The following MOCOS variants were observed in gnomAD, a reference collection of about 807,000 sequenced individuals.
The protein encoded by MOCOS is human molybdenum cofactor sulfurase.
A neutral mutation model predicts 83.6 loss-of-function variants in MOCOS; 86 were observed. The observed-to-expected ratio is 1.03, with a 90% CI of 0.86 to 1.23. The LOEUF (loss-of-function observed/expected upper bound fraction) is 1.23. Among genes scored for constraint, MOCOS ranks in the 50% most tolerant of loss-of-function variants. MOCOS has a pLI of 0.00. For missense variants in MOCOS, 1,120 were observed against 1,126.9 expected (o/e 0.99, Z 0.09); for synonymous variants, 445 against 434.7 (o/e 1.02, Z -0.29).
At chr18:36,236,481 A>G (rs2091559542) in intron 9 of MOCOS, among the ~76,000 whole-genome samples, 1 of 97,476 alleles carries the variant, frequency 1.0e-5, no homozygotes, top group East Asian at 2.6e-4. Context: ...GTTCTGTTCC[A>G]TTGATCTATA....
intron 9 of MOCOS, among the ~76,000 whole-genome samples, chr18:36,235,913 C>G (rs77804357): frequency 1.8e-4 from 27 of 151,988 alleles, no homozygotes; most frequent in African/African-American, 6.0e-4. Context: ...GTGTTTTTTG[C>G]CTGTATAAAT....
intron 12 of MOCOS, among the ~76,000 whole-genome samples, chr18:36,257,627 G>T (rs2091647787): frequency 1.3e-5 from 2 of 152,184 alleles, no homozygotes; most frequent in South Asian, 4.1e-4. Context: ...TCCAGAAAGG[G>T]TCATGGTTGG....
chr18:36,271,251 C>T lies in MOCOS; in HGVS notation c.*2566C>T, dbSNP rs577037030. The T allele has an allele frequency of 5.9e-5, 9 of 152,236 alleles. No homozygotes were observed. The South Asian group carries it at 1.9e-3, about 32-fold the overall frequency. 9.4% of individuals were successfully genotyped at this position (152,236 alleles called of 1,614,324 possible). ...GACTGTAAGCTCCATGAGGACAAGTCCTGTGCCAGTATATCTCTAGTGTCA... is the reference window on the plus strand; with the variant it reads ...GACTGTAAGCTCCATGAGGACAAGTTCTGTGCCAGTATATCTCTAGTGTCA... On this transcript the variant is annotated 3_prime_UTR_variant, in exon 15 of 15. Coordinates refer to ENST00000261326, the MANE Select transcript of MOCOS (RefSeq NM_017947.4).
At position 36,238,721 on chromosome 18, in the gene MOCOS, G is replaced by A. The variant is rs1458355472; in HGVS notation, c.1961-10201G>A. Among the ~76,000 whole-genome samples, 76 of 106,296 alleles carry A rather than the reference G, an allele frequency of 7.1e-4. 2 individuals carry two copies. The highest frequency in any genetic ancestry group is 2.2e-3 in the African/African-American group (76 of 35,250). The allele number at this position is 106,296 out of a possible 152,430, so 69.7% of individuals were successfully genotyped here. A position where few individuals can be genotyped will look rare whatever the true frequency, so the allele number is the denominator to read the frequency against. On this transcript the variant is annotated intron_variant, in intron 9 of 14. Coordinates refer to ENST00000261326, the MANE Select transcript of MOCOS (RefSeq NM_017947.4). ...TTTCTGTCTCGTTGATCTGTCTAAT[G>A]TTTACAGTGGGGTGTTAAAGTCTCC...
rs752543854 is a variant in MOCOS, at chr18:36,215,585, T to C, written c.1405T>C (p.Phe469Leu). 6.2e-7 allele frequency: 1 copy of C among 1,614,188 alleles called. No individual in the cohort carries two copies. Among genetic ancestry groups the C allele is most frequent in the South Asian group, 1.1e-5 (1 of 91,080 alleles). The change falls in exon 8 of 15, where the codon TTT becomes CTT. Residue 469 changes from phenylalanine (F) to leucine (L), a missense_variant. Transcript: ENST00000261326. ...GQPTGSVRISFGYMSTLDDVQ... is the reference protein window; with the variant it reads ...GQPTGSVRISLGYMSTLDDVQ... The stretch of plus-strand genomic sequence containing the variant: ...GCCCACAGGATCTGTGAGGATTTCA[T>C]TTGGATACATGTCGACGCTGGATGA...
intron 10 of MOCOS, among the ~76,000 whole-genome samples, chr18:36,249,435 G>T (rs890296705): frequency 1.3e-5 from 2 of 151,996 alleles, no homozygotes; most frequent in Non-Finnish European, 2.9e-5. Context: ...TTGATCTTTA[G>T]TCCCTCCCAC....
chr18:36,208,034 C>G (rs965698643), intron 6 of MOCOS, among the ~76,000 whole-genome samples: 1 of 152,112 alleles, frequency 6.6e-6, no homozygotes, highest in Non-Finnish European at 1.5e-5. Flanking sequence ...ATCCCAGCAC[C>G]ATTTATTGAA....
chr18:36,188,718 GTGTTGTGGAGGGTA>G (rs1342125211), intron 1 of MOCOS, among the ~76,000 whole-genome samples: 1 of 151,922 alleles, frequency 6.6e-6, no homozygotes, highest in African/African-American at 2.4e-5. Context: ...TCACTTCCTG[GTGTTGTGGAGGGTA>G]ACTGTGTTTT....
chr18:36,205,036 A>C (rs1598873858), intron 5 of MOCOS, 41 bp from the exon 6 acceptor site: 1 of 1,155,952 alleles, frequency 8.7e-7, no homozygotes, highest in Admixed American at 1.8e-5. Flanking sequence ...GAGAATTTAC[A>C]TAAAGCTCAT....
At chr18:36,193,317 CAAAAAAAAAAAAAAAAAAAAAAA>C (rs555145311) in intron 1 of MOCOS, among the ~76,000 whole-genome samples, 1,014 of 38,324 alleles carry the variant, frequency 0.026, 14 homozygotes, top group Middle Eastern at 0.23. Flanking sequence ...GACTCCGTCT[CAAAAAAAAAAAAAAAAAAAAAAA>C]AAAAAAAAAA....
chr18:36,266,200 T>C (rs2091681219), intron 13 of MOCOS, among the ~76,000 whole-genome samples: 1 of 152,122 alleles, frequency 6.6e-6, no homozygotes, highest in Non-Finnish European at 1.5e-5. Flanking sequence ...CAGTGGTGCG[T>C]TCTTGGCTTA....
At chr18:36,262,122 T>C (rs1333911930) in intron 13 of MOCOS, among the ~76,000 whole-genome samples, 1 of 152,154 alleles carries the variant, frequency 6.6e-6, no homozygotes, top group Non-Finnish European at 1.5e-5. Context: ...AATCAAAATA[T>C]GCATGCCCTT....
chr18:36,241,098 G>A (rs939983139), intron 9 of MOCOS, among the ~76,000 whole-genome samples: 25 of 152,114 alleles, frequency 1.6e-4, no homozygotes, highest in African/African-American at 3.4e-4. Context: ...CGTCTTCTGC[G>A]TCGCTCAGGC....
Position 36,205,378 on chromosome 18 carries a change from C to A in MOCOS, c.1218+102C>A, listed in dbSNP as rs951104676. The A allele has an allele frequency of 2.6e-5, 31 of 1,197,864 alleles. 2 individuals carry two copies. The South Asian group carries it at 3.3e-4, about 13-fold the overall frequency. The allele number at this position is 1,197,864 out of a possible 1,614,324, so 74.2% of individuals were successfully genotyped here. A position where few individuals can be genotyped will look rare whatever the true frequency, so the allele number is the denominator to read the frequency against. The stretch of plus-strand genomic sequence containing the variant: ...GTCCATGCACTGTTGAAGAGGCCAC[C>A]AGGCCCTCAGCCACATGCCTTTCCA... On this transcript the variant is annotated intron_variant, in intron 6 of 14. Transcript: ENST00000261326.
At chr18:36,259,494 C>T (rs2091654626) in intron 12 of MOCOS, among the ~76,000 whole-genome samples, 1 of 145,408 alleles carries the variant, frequency 6.9e-6, no homozygotes, top group Admixed American at 6.9e-5. Context: ...AGATGTTACA[C>T]TGCAAATAGA....
intron 10 of MOCOS, among the ~76,000 whole-genome samples, chr18:36,249,786 T>A (rs1384027844): frequency 6.6e-6 from 1 of 152,038 alleles, no homozygotes; most frequent in East Asian, 1.9e-4. Context: ...TAGCTGATGA[T>A]TGGATAAGGA....
At chr18:36,232,669 G>C (rs72890657) in intron 9 of MOCOS, among the ~76,000 whole-genome samples, 7,710 of 151,886 alleles carry the variant, frequency 0.051, 337 homozygotes, top group Non-Finnish European at 0.07. Flanking sequence ...CCTGCTTTTG[G>C]TAACTACTAT....
intron 9 of MOCOS, among the ~76,000 whole-genome samples, chr18:36,235,696 G>T (rs1308272743): frequency 6.6e-6 from 1 of 151,690 alleles, no homozygotes; most frequent in Admixed American, 6.6e-5. Flanking sequence ...AGATCCTGAG[G>T]AATCGCCACA....
chr18:36,268,674 G>A lies in MOCOS; in HGVS notation c.2656G>A (p.Val886Ile). Reference protein sequence around the residue: ...DLPASEKHQDVTS With the variant: ...DLPASEKHQDITS ...ACCTGCATCTGAGAAACACCAGGAT[G>A]TTACCTCCTAAAAAAAATTTTTAGC... Residue 886 changes from valine to isoleucine, a missense_variant, in exon 15 of 15, where the codon GTT (valine) becomes ATT (isoleucine). Val to Ile is a conservative substitution (Grantham distance 29, BLOSUM62 3). Coordinates refer to ENST00000261326, the MANE Select transcript of MOCOS (RefSeq NM_017947.4). 6.2e-7 allele frequency: 1 copy of A among 1,601,166 alleles called. No homozygotes were observed. The highest frequency in any genetic ancestry group is 8.5e-7 in the Non-Finnish European group (1 of 1,177,034).
Sources: gnomAD v4.1 joint callset for allele counts (sites outside exome capture counted in the v4.1 genomes callset) on GRCh38, gnomAD v4.1.1 for gene constraint, MANE v1.5 for transcripts, NCBI Gene and HGNC (gene_info 2026-07-23, HGNC 2026-07-21) for gene names.